DCC: variants seen among roughly 807,000 people sequenced by gnomAD.
The protein encoded by DCC is netrin receptor DCC.
In DCC, 58 loss-of-function variants were observed where a neutral mutation model predicts 172.5. The ratio of observed to expected loss-of-function variants is 0.34; its 90% CI spans 0.27 to 0.42. The LOEUF (loss-of-function observed/expected upper bound fraction) is 0.42, where lower values mean the gene tolerates loss of function less well. Among genes scored for constraint, DCC ranks in the 10% least tolerant of loss-of-function variants. The pLI is 1.00. For missense variants in DCC, 1,740 were observed against 1,791.0 expected, an observed-to-expected ratio of 0.97 and a Z score of 0.51; for synonymous variants, 709 against 644.5, an observed-to-expected ratio of 1.10 and a Z score of -1.52.
intron 1 of DCC, among the ~76,000 whole-genome samples, chr18:52,565,499 T>C (rs1014791204): frequency 6.6e-6 from 1 of 152,098 alleles, no homozygotes; most frequent in Non-Finnish European, 1.5e-5. Context: ...CTCTCCAGCA[T>C]CTGTTGTTTC....
At chr18:52,927,176 T>TGTGTATATATACGTATATATAG (rs1568192367) in intron 5 of DCC, among the ~76,000 whole-genome samples, 1 of 133,494 alleles carries the variant, frequency 7.5e-6, no homozygotes, top group Non-Finnish European at 1.6e-5. Flanking sequence ...TGTGTATATA[T>TGTGTATATATACGTATATATAG]GTGTATATAT....
chr18:53,411,180 A>G (rs1909965743), intron 20 of DCC, among the ~76,000 whole-genome samples: 1 of 152,120 alleles, frequency 6.6e-6, no homozygotes, highest in Non-Finnish European at 1.5e-5. Flanking sequence ...ATACAGAGAA[A>G]CACTAAAGCT....
At position 53,198,774 on chromosome 18, in the gene DCC, A is replaced by G. The variant is rs564636719; in HGVS notation, c.1574-6442A>G. On this transcript the variant is annotated intron_variant, in intron 9 of 28. Transcript: ENST00000442544. ...ATTGAAATTTAAAAAAGGTAGTTGG[A>G]TAGGCTGACATTGATTGATGAGTTA... Among the ~76,000 whole-genome samples, 95 of 152,310 alleles carry G rather than the reference A, an allele frequency of 6.2e-4. 1 individual carries two copies. In the Middle Eastern group the frequency reaches 0.024, roughly 38 times the overall value.
chr18:53,338,117 T>A (rs2057612673), intron 14 of DCC, among the ~76,000 whole-genome samples: 1 of 152,214 alleles, frequency 6.6e-6, no homozygotes, highest in Non-Finnish European at 1.5e-5. Flanking sequence ...AAAGAATAGG[T>A]TACATGTGCT....
chr18:53,501,611 C>T (rs568102294), intron 27 of DCC, among the ~76,000 whole-genome samples: 10 of 152,230 alleles, frequency 6.6e-5, no homozygotes, highest in Admixed American at 5.9e-4. Flanking sequence ...TTGGTAGCAA[C>T]AAAAAGTAAA....
intron 5 of DCC, among the ~76,000 whole-genome samples, chr18:53,060,885 T>C (rs923674936): frequency 6.6e-6 from 1 of 152,048 alleles, no homozygotes. Flanking sequence ...CACACTATTT[T>C]TGACATTGAG....
At chr18:52,617,762 A>C (rs1361617435) in intron 1 of DCC, among the ~76,000 whole-genome samples, 2 of 152,196 alleles carry the variant, frequency 1.3e-5, no homozygotes, top group Non-Finnish European at 2.9e-5. Context: ...ACATTTTAGA[A>C]AAGAAAAAAA....
intron 24 of DCC, among the ~76,000 whole-genome samples, chr18:53,461,135 A>T (rs1454089188): frequency 2.0e-5 from 3 of 151,628 alleles, no homozygotes; most frequent in Admixed American, 6.6e-5. Context: ...GTTGTTTGTT[A>T]TTTTCTTGTA....
chr18:53,302,230 C>T (rs1183667320), intron 12 of DCC, among the ~76,000 whole-genome samples: 1 of 152,070 alleles, frequency 6.6e-6, no homozygotes, highest in Non-Finnish European at 1.5e-5. Flanking sequence ...ATAACTTCAA[C>T]ATATGACTCT....
At chr18:52,628,361 A>C (rs759294138) in intron 1 of DCC, among the ~76,000 whole-genome samples, 1 of 152,228 alleles carries the variant, frequency 6.6e-6, no homozygotes, top group South Asian at 2.1e-4. Context: ...TTAGCATCCA[A>C]TGTGTCTTTC....
intron 15 of DCC, among the ~76,000 whole-genome samples, chr18:53,370,878 A>G (rs762441452): frequency 4.6e-5 from 7 of 151,632 alleles, no homozygotes; most frequent in Non-Finnish European, 7.4e-5. Context: ...TAAGTCCTCT[A>G]TTTTCTTATT....
chr18:53,514,760 ATC>A (rs1308508907), intron 27 of DCC, among the ~76,000 whole-genome samples: 1 of 152,170 alleles, frequency 6.6e-6, no homozygotes, highest in Non-Finnish European at 1.5e-5. Flanking sequence ...AAGAAATTGA[ATC>A]TCTGAATAGA....
At chr18:52,413,189 G>A (rs1986899938) in intron 1 of DCC, among the ~76,000 whole-genome samples, 1 of 151,296 alleles carries the variant, frequency 6.6e-6, no homozygotes, top group South Asian at 2.1e-4. Flanking sequence ...TGATTAGTAA[G>A]AAAATTGGAC....
chr18:52,770,928 C>A (rs577502363), intron 2 of DCC, among the ~76,000 whole-genome samples: 1 of 152,188 alleles, frequency 6.6e-6, no homozygotes, highest in East Asian at 1.9e-4. Flanking sequence ...GAGATCATTT[C>A]GTTTTCTATA....
chr18:53,004,936 A>G (rs532026779), intron 5 of DCC, among the ~76,000 whole-genome samples: 18 of 152,304 alleles, frequency 1.2e-4, no homozygotes, highest in Admixed American at 2.0e-4. Context: ...GCCTAGTAAG[A>G]AGTGATTAGG....
chr18:53,048,650 A>C (rs28829711), intron 5 of DCC, among the ~76,000 whole-genome samples: 1 of 151,004 alleles, frequency 6.6e-6, no homozygotes, highest in South Asian at 2.1e-4. Context: ...ATATATATAC[A>C]CATTCTTTTA....
intron 7 of DCC, among the ~76,000 whole-genome samples, chr18:53,121,393 C>G (rs2043481743): frequency 6.6e-6 from 1 of 151,922 alleles, no homozygotes; most frequent in East Asian, 1.9e-4. Context: ...TGATTGGCCA[C>G]TGCTTGTTTC....
At chr18:53,505,349 A>G (rs910891321) in intron 27 of DCC, 1 of 152,144 alleles carries the variant, frequency 6.6e-6, no homozygotes, top group African/African-American at 2.4e-5. Context: ...AAAAATAAAG[A>G]TGAGCATAAA....
At chr18:53,387,245 C>CTA (rs1908229648) in intron 16 of DCC, among the ~76,000 whole-genome samples, 1 of 152,166 alleles carries the variant, frequency 6.6e-6, no homozygotes, top group Non-Finnish European at 1.5e-5. Flanking sequence ...CATTCATAGA[C>CTA]TATCTTAAGA....
Sources: gnomAD v4.1 joint callset for allele counts (sites outside exome capture counted in the v4.1 genomes callset) on GRCh38, gnomAD v4.1.1 for gene constraint, MANE v1.5 for transcripts, NCBI Gene and HGNC (gene_info 2026-07-23, HGNC 2026-07-21) for gene names.